The following MACROD2 variants were observed in gnomAD, a reference collection of about 807,000 sequenced individuals.
The protein encoded by MACROD2 is mono-ADP ribosylhydrolase 2.
MACROD2 carries 36 observed loss-of-function variants against 70.4 expected under a neutral mutation model. The ratio of observed to expected loss-of-function variants is 0.51; its 90% CI spans 0.39 to 0.68. The LOEUF is 0.68. Ranked by LOEUF, MACROD2 falls within the 30% of genes least tolerant of loss-of-function variation. MACROD2 has a pLI of 0.00. For missense variants in MACROD2, 496 were observed against 538.4 expected (o/e 0.92, Z 0.78); for synonymous variants, 172 against 178.8 (o/e 0.96, Z 0.30).
chr20:14,689,713 C>G (rs1380816776), intron 5 of MACROD2, among the ~76,000 whole-genome samples: 1 of 152,182 alleles, frequency 6.6e-6, no homozygotes, highest in Non-Finnish European at 1.5e-5. Flanking sequence ...TCTCGCCTCA[C>G]CTCAGCTAAA....
intron 3 of MACROD2, among the ~76,000 whole-genome samples, chr20:14,186,957 C>T (rs962816365): frequency 3.3e-5 from 5 of 151,838 alleles, no homozygotes; most frequent in Admixed American, 6.6e-5. Context: ...TATTTGAGGG[C>T]GGAGATGGGA....
rs71340214 is a variant in MACROD2, at chr20:15,301,591, C to CTTTTTTTTTTTTT, written c.540+71541_540+71553dup. 5.9e-4 allele frequency among the ~76,000 whole-genome samples: 48 copies of CTTTTTTTTTTTTT among 81,250 alleles called. 2 individuals carry two copies. The highest frequency in any genetic ancestry group is 9.1e-4 in the Non-Finnish European group (38 of 41,964). 53.3% of individuals were successfully genotyped at this position (81,250 alleles called of 152,430 possible). On this transcript the variant is annotated intron_variant, in intron 6 of 17. Coordinates refer to ENST00000684519, the MANE Select transcript of MACROD2 (RefSeq NM_001351661.2). ...GGAAGTTAGTAAGATGGTAGGTGGC[C>CTTTTTTTTTTTTT]TTTTTTTTTTTTTTTTTTTTTTTGT...
intron 5 of MACROD2, among the ~76,000 whole-genome samples, chr20:14,967,338 A>ACGCCACCATGCCTAGCTAATTTTTTTGTC (rs2074647070): frequency 6.8e-6 from 1 of 146,002 alleles, no homozygotes; most frequent in African/African-American, 2.8e-5. Flanking sequence ...GATTACAGGT[A>ACGCCACCATGCCTAGCTAATTTTTTTGTC]TTTTTAGTAG....
intron 8 of MACROD2, among the ~76,000 whole-genome samples, chr20:15,629,878 T>C (rs2049262707): frequency 6.6e-6 from 1 of 152,152 alleles, no homozygotes; most frequent in Non-Finnish European, 1.5e-5. Flanking sequence ...AAAAGAACGA[T>C]GTCTACACAG....
chr20:15,682,895 T>C (rs1204359588), intron 8 of MACROD2, among the ~76,000 whole-genome samples: 1 of 152,192 alleles, frequency 6.6e-6, no homozygotes, highest in African/African-American at 2.4e-5. Flanking sequence ...CTGGAAGTAA[T>C]TCACATTAGT....
chr20:15,307,045 G>A (rs1395424993), intron 6 of MACROD2, among the ~76,000 whole-genome samples: 1 of 151,956 alleles, frequency 6.6e-6, no homozygotes, highest in Non-Finnish European at 1.5e-5. Flanking sequence ...ACCAGGAAAG[G>A]GCACAAACTC....
chr20:15,512,390 T>C (rs2047511825), intron 8 of MACROD2, among the ~76,000 whole-genome samples: 1 of 152,274 alleles, frequency 6.6e-6, no homozygotes, highest in African/African-American at 2.4e-5. Context: ...TGTCTCTGGA[T>C]ATTGCCTTTG....
intron 8 of MACROD2, among the ~76,000 whole-genome samples, chr20:15,638,173 G>A (rs1276175120): frequency 1.3e-5 from 2 of 152,204 alleles, no homozygotes; most frequent in Non-Finnish European, 2.9e-5. Context: ...GAAACCCTCA[G>A]TATTAGGGAA....
At chr20:14,904,362 A>G (rs1236042992) in intron 5 of MACROD2, among the ~76,000 whole-genome samples, 1 of 152,206 alleles carries the variant, frequency 6.6e-6, no homozygotes, top group Non-Finnish European at 1.5e-5. Context: ...TTTTATCCAT[A>G]TAAAATATCT....
At chr20:14,447,926 G>C (rs902399085) in intron 3 of MACROD2, among the ~76,000 whole-genome samples, 14 of 150,832 alleles carry the variant, frequency 9.3e-5, no homozygotes, top group Admixed American at 6.6e-4. Flanking sequence ...CATGTCACCG[G>C]AGTTACAATC....
At chr20:15,079,374 G>T (rs1343869562) in intron 5 of MACROD2, among the ~76,000 whole-genome samples, 1 of 151,670 alleles carries the variant, frequency 6.6e-6, no homozygotes, top group Non-Finnish European at 1.5e-5. Flanking sequence ...TTCTCTTCTG[G>T]TCTACCCATC....
intron 4 of MACROD2, among the ~76,000 whole-genome samples, chr20:14,572,327 G>C (rs1980247290): frequency 6.6e-6 from 1 of 152,060 alleles, no homozygotes; most frequent in South Asian, 2.1e-4. Context: ...AAATATTGCT[G>C]ATGAGAAAGT....
At chr20:15,431,518 C>G in intron 7 of MACROD2, 83 bp downstream of exon 7, 2 of 1,271,046 alleles carry the variant, frequency 1.6e-6, no homozygotes, top group Non-Finnish European at 2.3e-6. Flanking sequence ...ATAAGAGGTT[C>G]TCTGATGAAT....
chr20:15,079,637 T>G lies in MACROD2; in HGVS notation c.419-150303T>G, dbSNP rs550533762. Among the ~76,000 whole-genome samples, 51 of 152,136 alleles carry G rather than the reference T, an allele frequency of 3.4e-4. 1 individual carries two copies. The highest frequency in any genetic ancestry group is 5.9e-4 in the Non-Finnish European group (40 of 67,976). On this transcript the variant is annotated intron_variant, in intron 5 of 17. Transcript: ENST00000684519. Reference sequence around the variant, plus strand: ...GAGTTCACAAGCCACTGTGATGATCTCTCCAGAACACACACCCTCAACTCC... The same window carrying G: ...GAGTTCACAAGCCACTGTGATGATCGCTCCAGAACACACACCCTCAACTCC...
At chr20:15,238,856 A>G (rs1192996622) in intron 6 of MACROD2, among the ~76,000 whole-genome samples, 1 of 152,208 alleles carries the variant, frequency 6.6e-6, no homozygotes, top group Non-Finnish European at 1.5e-5. Flanking sequence ...GAAAATCATT[A>G]TTGGTTTCTA....
intron 8 of MACROD2, among the ~76,000 whole-genome samples, chr20:15,734,331 G>C (rs2050989008): frequency 6.6e-6 from 1 of 152,084 alleles, no homozygotes; most frequent in Non-Finnish European, 1.5e-5. Flanking sequence ...TAAACCCAAG[G>C]ATCAGACAAT....
intron 6 of MACROD2, among the ~76,000 whole-genome samples, chr20:15,239,371 G>C (rs1234974511): frequency 6.6e-6 from 1 of 152,066 alleles, no homozygotes; most frequent in African/African-American, 2.4e-5. Context: ...GAGTTGCAAA[G>C]AGGATTTTTT....
At chr20:15,175,193 C>A (rs1382918501) in intron 5 of MACROD2, among the ~76,000 whole-genome samples, 1 of 148,954 alleles carries the variant, frequency 6.7e-6, no homozygotes, top group Admixed American at 6.8e-5. Flanking sequence ...AAACCAAACA[C>A]CGCATATTGT....
In MACROD2 at chr20:15,857,306, G is replaced by C. The variant is rs536292879; in HGVS notation, c.646-5439G>C. 3.9e-5 allele frequency among the ~76,000 whole-genome samples: 6 copies of C among 152,302 alleles called. No individual in the cohort carries two copies. In the South Asian group the frequency reaches 1.2e-3, roughly 32 times the overall value. ...GGGCAGATGATAAAAGAGGAAGTAGGAAAGCTGCATGCAAAGCGGGAGAGA... is the reference window on the plus strand; with the variant it reads ...GGGCAGATGATAAAAGAGGAAGTAGCAAAGCTGCATGCAAAGCGGGAGAGA... On this transcript the variant is annotated intron_variant, in intron 8 of 17. Transcript: ENST00000684519.
Sources: allele counts gnomAD v4.1 joint callset (sites outside exome capture counted in the v4.1 genomes callset), GRCh38; gene constraint gnomAD v4.1.1; transcripts MANE v1.5; gene names NCBI Gene and HGNC (gene_info 2026-07-23, HGNC 2026-07-21).